TNRC6C: variants seen among roughly 807,000 people sequenced by gnomAD.
The protein encoded by TNRC6C is trinucleotide repeat containing adaptor 6C, also known as trinucleotide repeat-containing gene 6C protein.
In TNRC6C, 20 loss-of-function variants were observed where a neutral mutation model predicts 153.7. That is an observed-to-expected ratio of 0.13 (90% CI 0.09 to 0.19). TNRC6C has a LOEUF of 0.19. TNRC6C is among the 10% of genes least tolerant of loss of function. The pLI is 1.00. For synonymous variants in TNRC6C, 811 were observed against 841.4 expected (o/e 0.96, Z 0.63); for missense variants, 1,987 against 2,172.0 (o/e 0.91, Z 1.69).
intron 1 of TNRC6C, among the ~76,000 whole-genome samples, chr17:77,995,466 A>G (rs2071313991): frequency 6.6e-6 from 1 of 152,252 alleles, no homozygotes; most frequent in Non-Finnish European, 1.5e-5. Context: ...ATTTTCACAG[A>G]GCAGGCAAAA....
intron 9 of TNRC6C, 156 bp downstream of exon 11, chr17:78,077,490 T>G (rs1207572159): frequency 2.1e-6 from 2 of 957,656 alleles, no homozygotes; most frequent in Admixed American, 2.4e-5. Flanking sequence ...TCCCTTCAGG[T>G]GACTTACTGG....
chr17:78,077,251 C>T (rs1424300254), exon 9 of TNRC6C: 1 of 1,600,902 alleles, frequency 6.2e-7, no homozygotes, highest in Non-Finnish European at 8.5e-7. Context: ...GAAGCTCCCC[C>T]TTTCACACAG....
intron 1 of TNRC6C, among the ~76,000 whole-genome samples, chr17:77,968,381 G>T (rs553482829): frequency 6.6e-6 from 1 of 150,892 alleles, no homozygotes; most frequent in Non-Finnish European, 1.5e-5. Flanking sequence ...TTGTTCTGTC[G>T]CCCAGACTAG....
In TNRC6C at chr17:78,088,432, C is replaced by G. The variant is rs192733586; in HGVS notation, c.3802+1339C>G. Among the ~76,000 whole-genome samples the G allele has an allele frequency of 2.1e-3, 314 of 151,392 alleles. 1 individual carries two copies. Among genetic ancestry groups the G allele is most frequent in the African/African-American group, 7.3e-3 (300 of 41,258 alleles). ...TTTTTTTGGTAGAGACAGGGTCTTT[C>G]TATGTTGCCCAGGCAAGTCTCAAAA... is the stretch of plus-strand genomic sequence containing the variant. On this transcript the variant is annotated intron_variant, in intron 13 of 19. Coordinates refer to ENST00000301624, the Ensembl canonical transcript of TNRC6C.
intron 3 of TNRC6C, among the ~76,000 whole-genome samples, chr17:78,055,729 G>A (rs1014341163): frequency 1.9e-4 from 29 of 152,276 alleles, no homozygotes; most frequent in Non-Finnish European, 5.9e-5. Flanking sequence ...CACTGGAGTC[G>A]TGCAATAAAT....
At chr17:78,022,001 A>C (rs1232551125) in intron 1 of TNRC6C, among the ~76,000 whole-genome samples, 6 of 152,260 alleles carry the variant, frequency 3.9e-5, no homozygotes, top group Non-Finnish European at 8.8e-5. Flanking sequence ...GAACTCTATT[A>C]GTATCTGGCT....
At chr17:78,067,902 C>T in exon 5 of TNRC6C, 3 of 1,607,470 alleles carry the variant, frequency 1.9e-6, no homozygotes, top group Non-Finnish European at 2.5e-6. Context: ...GGGGGAACGC[C>T]CCCAAAAAAG....
At chr17:77,973,214 A>G (rs977989746) in intron 1 of TNRC6C, among the ~76,000 whole-genome samples, 4 of 152,208 alleles carry the variant, frequency 2.6e-5, no homozygotes, top group Admixed American at 1.3e-4. Context: ...GCAATACACC[A>G]TATTAATAGA....
At chr17:78,055,265 C>T (rs533689408) in intron 3 of TNRC6C, among the ~76,000 whole-genome samples, 5 of 152,220 alleles carry the variant, frequency 3.3e-5, no homozygotes, top group Non-Finnish European at 7.4e-5. Flanking sequence ...CAAACGCACA[C>T]GTTAGCCTAG....
chr17:77,969,368 G>A (rs544313018), intron 1 of TNRC6C, among the ~76,000 whole-genome samples: 279 of 152,084 alleles, frequency 1.8e-3, no homozygotes, highest in Non-Finnish European at 3.3e-3. Flanking sequence ...TCCTGCCTCA[G>A]CCTCCCAAGT....
At chr17:77,962,489 TA>T (rs1215881154) in intron 1 of TNRC6C, among the ~76,000 whole-genome samples, 1 of 152,178 alleles carries the variant, frequency 6.6e-6, no homozygotes, top group East Asian at 1.9e-4. Context: ...AAGCAAAGAT[TA>T]CCAAGAGCAA....
At chr17:78,101,077 A>G (rs1212711985) in intron 17 of TNRC6C, among the ~76,000 whole-genome samples, 1 of 152,020 alleles carries the variant, frequency 6.6e-6, no homozygotes, top group South Asian at 2.1e-4. Context: ...TGCCTGGCCA[A>G]TTTTCTGAAC....
Position 77,961,270 on chromosome 17 carries a change from C to T in TNRC6C, c.-38+2002C>T, listed in dbSNP as rs139994347. On this transcript the variant is annotated intron_variant, in intron 1 of 22. Coordinates refer to the TNRC6C transcript ENST00000636222. ...TCCCGGGTTCAAGCGATTCTCTTGC[C>T]TCACCCTCCCGAGTAGCAGGGATTA... is the stretch of plus-strand genomic sequence containing the variant. Among the ~76,000 whole-genome samples the T allele has an allele frequency of 1.4e-3, 211 of 152,172 alleles. 4 individuals are homozygous for T. In the East Asian group the frequency reaches 0.034, roughly 24 times the overall value.
chr17:78,072,009 G>A (rs928206599), intron 6 of TNRC6C, among the ~76,000 whole-genome samples: 1 of 152,178 alleles, frequency 6.6e-6, no homozygotes, highest in Non-Finnish European at 1.5e-5. Context: ...CCATGTATTC[G>A]CTTCATGGGA....
chr17:78,099,482 A>G (rs920749832), intron 17 of TNRC6C, among the ~76,000 whole-genome samples: 16 of 152,240 alleles, frequency 1.1e-4, no homozygotes, highest in Admixed American at 9.2e-4. Flanking sequence ...ACATGGCAGC[A>G]GACAAGAAGA....
intron 9 of TNRC6C, 109 bp downstream of exon 11, chr17:78,077,443 ATGTGACTG>A: frequency 1.4e-6 from 2 of 1,388,036 alleles, no homozygotes; most frequent in Admixed American, 4.2e-5. Context: ...CTATTTTTAA[ATGTGACTG>A]AAAAAGTAGT....
chr17:77,985,822 G>A (rs980258739), intron 1 of TNRC6C, among the ~76,000 whole-genome samples: 1 of 152,152 alleles, frequency 6.6e-6, no homozygotes, highest in Non-Finnish European at 1.5e-5. Flanking sequence ...CTAGGGGAAG[G>A]TATGTGTATC....
intron 1 of TNRC6C, among the ~76,000 whole-genome samples, chr17:77,998,722 A>G (rs2071366984): frequency 6.6e-6 from 1 of 152,220 alleles, no homozygotes; most frequent in Non-Finnish European, 1.5e-5. Flanking sequence ...TAACTGCTTT[A>G]AAGCCATTGT....
chr17:78,086,648 T>C (rs1309395020), intron 12 of TNRC6C, 62 bp downstream of exon 14: 2 of 1,564,286 alleles, frequency 1.3e-6, no homozygotes, highest in East Asian at 2.2e-5. Flanking sequence ...GAAGAGACGC[T>C]AATTGATGAA....
Sources: allele counts gnomAD v4.1 joint callset (sites outside exome capture counted in the v4.1 genomes callset), GRCh38; gene constraint gnomAD v4.1.1; transcripts MANE v1.5; gene names NCBI Gene and HGNC (gene_info 2026-07-23, HGNC 2026-07-21).